Variants in ENOX1 observed in about 807,000 individuals in gnomAD.
ENOX1 encodes candidate growth-related and time keeping constitutive hydroquinone (NADH) oxidase.
In ENOX1, 42 loss-of-function variants were observed where a neutral mutation model predicts 82.5. The ratio of observed to expected loss-of-function variants is 0.51; its 90% CI spans 0.40 to 0.66. The LOEUF is 0.66. Among genes scored for constraint, ENOX1 ranks in the 30% least tolerant of loss-of-function variants. The probability of loss-of-function intolerance (pLI) is 0.00; values close to 1 mark genes in which losing one functional copy is unlikely to be tolerated. For missense variants in ENOX1, 608 were observed against 811.6 expected, an observed-to-expected ratio of 0.75 and a Z score of 3.05; for synonymous variants, 271 against 282.2, an observed-to-expected ratio of 0.96 and a Z score of 0.40.
chr13:43,309,025 CTTTTT>C (rs138771171), intron 11 of ENOX1, among the ~76,000 whole-genome samples: 4 of 138,578 alleles, frequency 2.9e-5, no homozygotes, highest in African/African-American at 1.1e-4. Flanking sequence ...CTCAAAGTTA[CTTTTT>C]TTTTTTTTTT....
Position 43,389,512 on chromosome 13 carries a change from G to T in ENOX1, c.208+22404C>A, listed in dbSNP as rs182988629. ...ATCAGCTCCAGAAACGCTGAGAAGG[G>T]ATCAACAGTTAAAATACTTAATCCA... On this transcript the variant is annotated intron_variant, in intron 5 of 16. Coordinates refer to ENST00000690772, the MANE Select transcript of ENOX1 (RefSeq NM_001347969.2). Among the ~76,000 whole-genome samples the T allele has an allele frequency of 5.8e-4, 89 of 152,296 alleles. 1 individual carries two copies. The highest frequency in any genetic ancestry group is 2.0e-3 in the African/African-American group (82 of 41,570).
chr13:43,505,175 C>A (rs574861575), intron 2 of ENOX1, among the ~76,000 whole-genome samples: 77 of 151,942 alleles, frequency 5.1e-4, no homozygotes, highest in African/African-American at 1.8e-3. Flanking sequence ...ACATGGTAAT[C>A]GGATCACATC....
intron 2 of ENOX1, among the ~76,000 whole-genome samples, chr13:43,582,142 C>A (rs1262314645): frequency 6.6e-6 from 1 of 151,698 alleles, no homozygotes; most frequent in African/African-American, 2.4e-5. Flanking sequence ...CAATATCTAA[C>A]AAAACTAGAA....
chr13:43,530,356 A>G lies in ENOX1; in HGVS notation c.-218-46204T>C, dbSNP rs554238136. ...TCCATCCAATTATTTCCTACTTGTCATCTCTGATAGGAACCCACCTGGGGG... is the reference window on the plus strand; with the variant it reads ...TCCATCCAATTATTTCCTACTTGTCGTCTCTGATAGGAACCCACCTGGGGG... On this transcript the variant is annotated intron_variant, in intron 2 of 16. Transcript: ENST00000690772. Among the ~76,000 whole-genome samples, 3 of 152,278 alleles carry G rather than the reference A, an allele frequency of 2.0e-5. No individual in the cohort carries two copies. The South Asian group carries it at 6.2e-4, about 32-fold the overall frequency.
At chr13:43,763,020 A>G (rs1951072783) in intron 1 of ENOX1, among the ~76,000 whole-genome samples, 1 of 152,210 alleles carries the variant, frequency 6.6e-6, no homozygotes, top group African/African-American at 2.4e-5. Flanking sequence ...AATCTTCTTC[A>G]TATTTAACTG....
intron 1 of ENOX1, among the ~76,000 whole-genome samples, chr13:43,781,821 T>C (rs1407942316): frequency 6.6e-6 from 1 of 152,206 alleles, no homozygotes; most frequent in South Asian, 2.1e-4. Flanking sequence ...TTGTCCACTA[T>C]TTAAATAAGA....
intron 5 of ENOX1, among the ~76,000 whole-genome samples, chr13:43,378,963 AG>A (rs2051836370): frequency 1.3e-5 from 2 of 152,212 alleles, no homozygotes; most frequent in Admixed American, 1.3e-4. Context: ...AAAGGGGAAG[AG>A]GGAGGCAGAA....
intron 14 of ENOX1, among the ~76,000 whole-genome samples, chr13:43,257,747 A>T (rs1430877719): frequency 6.6e-6 from 1 of 152,228 alleles, no homozygotes; most frequent in African/African-American, 2.4e-5. Flanking sequence ...TCTCCATTCA[A>T]AACAATTGCT....
chr13:43,419,156 T>C (rs1044195085), intron 3 of ENOX1, among the ~76,000 whole-genome samples: 1 of 152,152 alleles, frequency 6.6e-6, no homozygotes, highest in Admixed American at 6.5e-5. Context: ...CTACCTGTAA[T>C]TGTCCACAAA....
At position 43,616,484 on chromosome 13, in the gene ENOX1, G is replaced by A. The variant is rs188127141; in HGVS notation, c.-219+50995C>T. On this transcript the variant is annotated intron_variant, in intron 2 of 16. Coordinates refer to ENST00000690772, the MANE Select transcript of ENOX1 (RefSeq NM_001347969.2). ...CCCAAAGTGCTGGGGTTACAGACACGAGCCACCATACCCAGCCGACATATA... is the reference window on the plus strand; with the variant it reads ...CCCAAAGTGCTGGGGTTACAGACACAAGCCACCATACCCAGCCGACATATA... Among the ~76,000 whole-genome samples the A allele has an allele frequency of 5.3e-5, 8 of 151,262 alleles. No homozygotes were observed. The East Asian group carries it at 1.4e-3, about 26-fold the overall frequency.
chr13:43,334,739 T>A (rs1288711654), intron 9 of ENOX1, among the ~76,000 whole-genome samples: 1 of 152,170 alleles, frequency 6.6e-6, no homozygotes, highest in Non-Finnish European at 1.5e-5. Flanking sequence ...AAGTCCCTAC[T>A]TTTTTTGTGT....
At chr13:43,245,385 A>G (rs981187797) in intron 14 of ENOX1, among the ~76,000 whole-genome samples, 1 of 152,200 alleles carries the variant, frequency 6.6e-6, no homozygotes, top group East Asian at 1.9e-4. Flanking sequence ...GGTACAGACC[A>G]TATAAACTTA....
chr13:43,550,669 G>C (rs537610498), intron 2 of ENOX1, among the ~76,000 whole-genome samples: 1 of 152,246 alleles, frequency 6.6e-6, no homozygotes, highest in East Asian at 1.9e-4. Flanking sequence ...CCAATTTATA[G>C]GTGAGAAAAC....
At chr13:43,638,885 T>C (rs2083513938) in intron 2 of ENOX1, among the ~76,000 whole-genome samples, 1 of 152,266 alleles carries the variant, frequency 6.6e-6, no homozygotes, top group South Asian at 2.1e-4. Flanking sequence ...CTGGCTCAGA[T>C]TAAAACTTCC....
intron 3 of ENOX1, among the ~76,000 whole-genome samples, chr13:43,415,244 T>G (rs897463827): frequency 4.1e-5 from 6 of 145,344 alleles, no homozygotes; most frequent in East Asian, 2.0e-4. Flanking sequence ...TTTTTTTTTT[T>G]TTTTTTTTTT....
intron 11 of ENOX1, among the ~76,000 whole-genome samples, chr13:43,308,910 C>T (rs2047023791): frequency 6.6e-6 from 1 of 152,184 alleles, no homozygotes; most frequent in Non-Finnish European, 1.5e-5. Flanking sequence ...CAGGATGAGC[C>T]TCATGTCATT....
intron 5 of ENOX1, among the ~76,000 whole-genome samples, chr13:43,377,029 A>G (rs979978833): frequency 3.3e-5 from 5 of 152,018 alleles, no homozygotes; most frequent in Non-Finnish European, 4.4e-5. Flanking sequence ...TCACTGCCCA[A>G]TTTTTCCTTT....
chr13:43,776,985 T>C (rs1158801704), intron 1 of ENOX1, among the ~76,000 whole-genome samples: 2 of 152,328 alleles, frequency 1.3e-5, no homozygotes, highest in East Asian at 3.9e-4. Context: ...CAAGGAATGC[T>C]GTACCCAACA....
At chr13:43,329,349 A>G (rs1014977578) in intron 9 of ENOX1, among the ~76,000 whole-genome samples, 2 of 152,082 alleles carry the variant, frequency 1.3e-5, no homozygotes, top group African/African-American at 4.8e-5. Context: ...TGACAGGGAG[A>G]CTTGATAGGA....
Sources: gnomAD v4.1 joint callset for allele counts (sites outside exome capture counted in the v4.1 genomes callset) on GRCh38, gnomAD v4.1.1 for gene constraint, MANE v1.5 for transcripts, NCBI Gene and HGNC (gene_info 2026-07-23, HGNC 2026-07-21) for gene names.